Variants in GRID1 observed in about 807,000 individuals in gnomAD.
The protein encoded by GRID1 is glutamate ionotropic receptor delta type subunit 1, also known as glutamate receptor ionotropic, delta-1.
A neutral mutation model predicts 98.0 loss-of-function variants in GRID1; 28 were observed. That is an observed-to-expected ratio of 0.29 (90% CI 0.21 to 0.39). GRID1 has a LOEUF of 0.39. GRID1 is among the 10% of genes least tolerant of loss of function. The pLI, the probability that GRID1 is intolerant of heterozygous loss-of-function variation, is 1.00. For synonymous variants in GRID1, 553 were observed against 538.5 expected (o/e 1.03, Z -0.37); for missense variants, 1,111 against 1,340.5 (o/e 0.83, Z 2.67).
At chr10:86,050,448 T>A (rs1429938780) in intron 4 of GRID1, among the ~76,000 whole-genome samples, 1 of 152,180 alleles carries the variant, frequency 6.6e-6, no homozygotes, top group East Asian at 1.9e-4. Flanking sequence ...GAAAAACACA[T>A]GAAGAAATGC....
intron 3 of GRID1, among the ~76,000 whole-genome samples, chr10:86,153,932 C>T (rs560186608): frequency 5.3e-4 from 80 of 152,290 alleles, no homozygotes; most frequent in African/African-American, 1.9e-3. Flanking sequence ...TTTGAATTTT[C>T]CTTCCAAAAT....
chr10:86,308,498 C>G (rs1209811769), intron 2 of GRID1, among the ~76,000 whole-genome samples: 1 of 152,182 alleles, frequency 6.6e-6, no homozygotes, highest in Non-Finnish European at 1.5e-5. Context: ...CTGTGGGTCA[C>G]TGTTCACAAG....
At chr10:85,911,928 G>T (rs535941061) in intron 5 of GRID1, among the ~76,000 whole-genome samples, 1 of 152,346 alleles carries the variant, frequency 6.6e-6, no homozygotes, top group East Asian at 1.9e-4. Flanking sequence ...GACTGGGCTT[G>T]AACTTGGCAA....
intron 4 of GRID1, among the ~76,000 whole-genome samples, chr10:86,113,895 C>T (rs964548024): frequency 1.3e-5 from 2 of 152,234 alleles, no homozygotes; most frequent in African/African-American, 4.8e-5. Flanking sequence ...TTTTGCCTAA[C>T]ATAAGGTAAT....
chr10:85,844,062 C>T lies in GRID1; in HGVS notation c.1233+10434G>A, dbSNP rs73334785. On this transcript the variant is annotated intron_variant, in intron 8 of 15. Coordinates refer to ENST00000327946, the MANE Select transcript of GRID1 (RefSeq NM_017551.3). ...AACAAATAGTGAGGCATCCATTCTT[C>T]GAAATAATACTCAACTATAAAAGAG... Among the ~76,000 whole-genome samples the T allele has an allele frequency of 5.7e-3, 871 of 151,846 alleles. 8 individuals are homozygous for T. The highest frequency in any genetic ancestry group is 0.02 in the African/African-American group (817 of 41,396).
intron 8 of GRID1, among the ~76,000 whole-genome samples, chr10:85,819,390 C>T (rs1156373959): frequency 1.3e-5 from 2 of 152,186 alleles, no homozygotes; most frequent in African/African-American, 2.4e-5. Context: ...ATGTTAACTC[C>T]CCTTTCCTCA....
intron 4 of GRID1, among the ~76,000 whole-genome samples, chr10:85,934,758 C>G (rs997581501): frequency 2.2e-4 from 33 of 152,150 alleles, no homozygotes; most frequent in African/African-American, 6.8e-4. Context: ...GCCAGTCACG[C>G]TGGCTGGGGC....
At chr10:85,971,571 A>G (rs996245118) in intron 4 of GRID1, among the ~76,000 whole-genome samples, 1 of 152,166 alleles carries the variant, frequency 6.6e-6, no homozygotes, top group African/African-American at 2.4e-5. Flanking sequence ...AGGATATCCA[A>G]ATGGCTGGTA....
At chr10:85,890,294 GA>G (rs1841181802) in intron 5 of GRID1, among the ~76,000 whole-genome samples, 1 of 152,034 alleles carries the variant, frequency 6.6e-6, no homozygotes, top group Non-Finnish European at 1.5e-5. Context: ...AGAGGTTTCT[GA>G]ATGTTCTCAC....
chr10:85,644,187 A>G (rs373684101), intron 13 of GRID1: 3 of 152,192 alleles, frequency 2.0e-5, no homozygotes, highest in African/African-American at 7.2e-5. Flanking sequence ...AAGAGTAGGG[A>G]GGTGAGCAGA....
chr10:85,804,071 A>G (rs1842600694), intron 8 of GRID1, among the ~76,000 whole-genome samples: 1 of 151,810 alleles, frequency 6.6e-6, no homozygotes, highest in Non-Finnish European at 1.5e-5. Flanking sequence ...AAAAAAACAG[A>G]AAATATATAA....
chr10:86,157,087 G>C (rs1845255885), intron 3 of GRID1, among the ~76,000 whole-genome samples: 1 of 152,156 alleles, frequency 6.6e-6, no homozygotes, highest in Non-Finnish European at 1.5e-5. Flanking sequence ...AGGACCTCTG[G>C]AAGCCTGAAG....
rs984657623 is a variant in GRID1 at position 85,730,876 on chromosome 10, A to T, written c.1234-1262T>A. Among the ~76,000 whole-genome samples the T allele has an allele frequency of 3.9e-5, 6 of 152,156 alleles. No homozygotes were observed. The South Asian group carries it at 1.2e-3, about 32-fold the overall frequency. Reference sequence around the variant, plus strand: ...GGTGATGCTGCTGCTGCTGCTGCTAATCCATGGACCACAATTTAAATAGCA... The same window carrying T: ...GGTGATGCTGCTGCTGCTGCTGCTATTCCATGGACCACAATTTAAATAGCA... On this transcript the variant is annotated intron_variant, in intron 8 of 15. Coordinates refer to ENST00000327946, the MANE Select transcript of GRID1 (RefSeq NM_017551.3).
intron 8 of GRID1, among the ~76,000 whole-genome samples, chr10:85,793,665 G>A (rs150374259): frequency 8.5e-5 from 13 of 152,188 alleles, no homozygotes; most frequent in East Asian, 3.9e-4. Context: ...TACAAGGTAC[G>A]GCACATACAA....
intron 15 of GRID1, among the ~76,000 whole-genome samples, chr10:85,611,417 A>AC (rs1443687639): frequency 6.6e-6 from 1 of 152,006 alleles, no homozygotes; most frequent in Non-Finnish European, 1.5e-5. Flanking sequence ...CCAGGCCCCC[A>AC]CCCTTGCCCA....
In GRID1 at chr10:86,068,789, C is replaced by T. The variant is rs562076423; in HGVS notation, c.726+70030G>A. On this transcript the variant is annotated intron_variant, in intron 4 of 15. Transcript: ENST00000327946. ...GCAGATAGCCTCACTCCAATCAAAA[C>T]AAAACCAACAGTGAAATGTGCCACC... Among the ~76,000 whole-genome samples, 6 of 152,328 alleles carry T rather than the reference C, an allele frequency of 3.9e-5. No individual in the cohort carries two copies. In the East Asian group the frequency reaches 5.8e-4, roughly 15 times the overall value.
intron 4 of GRID1, among the ~76,000 whole-genome samples, chr10:85,942,371 C>T (rs1842006287): frequency 6.6e-6 from 1 of 152,214 alleles, no homozygotes; most frequent in African/African-American, 2.4e-5. Flanking sequence ...TCCACCTTCA[C>T]AGAGTTCAGA....
intron 6 of GRID1, among the ~76,000 whole-genome samples, chr10:85,858,512 C>T (rs1843135215): frequency 6.6e-6 from 1 of 152,144 alleles, no homozygotes; most frequent in Non-Finnish European, 1.5e-5. Flanking sequence ...CTGTCAACTC[C>T]CCAGCCCTCA....
intron 4 of GRID1, among the ~76,000 whole-genome samples, chr10:85,936,232 C>A (rs1021092247): frequency 6.6e-6 from 1 of 152,128 alleles, no homozygotes; most frequent in African/African-American, 2.4e-5. Flanking sequence ...TAAGAAACAC[C>A]AAATTTTAAT....
Sources: gnomAD v4.1 joint callset for allele counts (sites outside exome capture counted in the v4.1 genomes callset) on GRCh38, gnomAD v4.1.1 for gene constraint, MANE v1.5 for transcripts, NCBI Gene and HGNC (gene_info 2026-07-23, HGNC 2026-07-21) for gene names.